The following PPP4R3A variants were observed in gnomAD, a reference collection of about 807,000 sequenced individuals.
PPP4R3A encodes serine/threonine-protein phosphatase 4 regulatory subunit 3A.
Under a neutral mutation model 91.7 loss-of-function variants are expected in PPP4R3A, and 15 were observed. The observed-to-expected ratio is 0.16, with a 90% CI of 0.11 to 0.25. The LOEUF (loss-of-function observed/expected upper bound fraction) is 0.25, where lower values mean the gene tolerates loss of function less well. Among genes scored for constraint, PPP4R3A ranks in the 10% least tolerant of loss-of-function variants. PPP4R3A has a pLI of 1.00. For synonymous variants in PPP4R3A, 377 were observed against 348.7 expected (o/e 1.08, Z -0.91); for missense variants, 623 against 998.4 (o/e 0.62, Z 5.07).
At chr14:91,506,389 G>T (rs914839373) in intron 1 of PPP4R3A, among the ~76,000 whole-genome samples, 1 of 152,204 alleles carries the variant, frequency 6.6e-6, no homozygotes, top group Non-Finnish European at 1.5e-5. Context: ...TAAGAATTAC[G>T]TAAGTCAATA....
chr14:91,477,951 G>GATTTT (rs3837630), intron 4 of PPP4R3A, among the ~76,000 whole-genome samples: 74,252 of 151,538 alleles, frequency 0.49, 18,460 homozygotes, highest in Admixed American at 0.53. Context: ...GCTCGACCAA[G>GATTTT]ATTTTAATTA....
chr14:91,465,879 T>C (rs1035379547), intron 10 of PPP4R3A, among the ~76,000 whole-genome samples: 31 of 152,190 alleles, frequency 2.0e-4, no homozygotes, highest in African/African-American at 7.2e-4. Context: ...TGCATTGTAG[T>C]TCATGGAATT....
chr14:91,502,408 A>G (rs1469438010), intron 1 of PPP4R3A, among the ~76,000 whole-genome samples: 1 of 152,202 alleles, frequency 6.6e-6, no homozygotes, highest in Admixed American at 6.5e-5. Context: ...CCTGGGTGAC[A>G]GCAAGACCTT....
intron 1 of PPP4R3A, among the ~76,000 whole-genome samples, chr14:91,492,652 C>T (rs1156852428): frequency 6.6e-6 from 1 of 152,194 alleles, no homozygotes; most frequent in Non-Finnish European, 1.5e-5. Flanking sequence ...CTTAAGGTAA[C>T]TAAACATTCA....
chr14:91,477,125 T>TTA, intron 4 of PPP4R3A, 139 bp from the exon 5 acceptor site: 2 of 632,786 alleles, frequency 3.2e-6, no homozygotes, highest in Non-Finnish European at 5.1e-6. Flanking sequence ...TTTTTTTTTT[T>TTA]AACAGAAGGA....
At position 91,458,707 on chromosome 14, in the gene PPP4R3A, G is replaced by A; in HGVS notation, c.*52C>T. On this transcript the variant is annotated 3_prime_UTR_variant, in exon 15 of 15. Coordinates refer to ENST00000554943, the MANE Select transcript of PPP4R3A (RefSeq NM_001366432.2). ...TGTTGTGGATTTTGTATGGGGGAGG[G>A]GTGGAGAACCAGTTTTTTTCAACAG... 4.3e-6 allele frequency: 7 copies of A among 1,613,390 alleles called. No homozygotes were observed. Among genetic ancestry groups the A allele is most frequent in the Non-Finnish European group, 5.9e-6 (7 of 1,179,560 alleles).
intron 7 of PPP4R3A, 193 bp downstream of exon 7, chr14:91,475,618 A>T: frequency 2.2e-6 from 1 of 460,408 alleles, no homozygotes; most frequent in Non-Finnish European, 3.8e-6. Flanking sequence ...AAGGCAATTT[A>T]AATGAACATA....
Position 91,509,530 on chromosome 14 carries a change from G to C in PPP4R3A, c.118C>G (p.Leu40Val), listed in dbSNP as rs754761855. ...CCGTCGCTCTCAGCCCTGACAAGCA[G>C]GGACATGCCCTTCAGCCGCTCCACG... ...GYVERLKGMS[L>V]LVRAESDGSL... Residue 40 changes from leucine (L) to valine (V), a missense_variant, in exon 1 of 15, where the codon CTG becomes GTG. Transcript: ENST00000554943. 1 of 1,597,312 alleles carries C rather than the reference G, an allele frequency of 6.3e-7. No homozygotes were observed. Among genetic ancestry groups the C allele is most frequent in the Non-Finnish European group, 8.5e-7 (1 of 1,176,976 alleles).
chr14:91,472,183 ACGCACG>A (rs1369924089), intron 9 of PPP4R3A, among the ~76,000 whole-genome samples: 2 of 152,006 alleles, frequency 1.3e-5, no homozygotes, highest in African/African-American at 2.4e-5. Context: ...ACACACGCAC[ACGCACG>A]CTAAAGCTCT....
In PPP4R3A at chr14:91,458,104, TAAAAC is replaced by T. The variant is rs1303362269; in HGVS notation, c.*650_*654del. ...AGGAAAAAAAAAATCAAAAACAAAA[TAAAAC>T]AAAAAAATTATGACACAAATGACCA... is the stretch of plus-strand genomic sequence containing the variant. On this transcript the variant is annotated 3_prime_UTR_variant, in exon 15 of 15. Coordinates refer to ENST00000554943, the MANE Select transcript of PPP4R3A (RefSeq NM_001366432.2). 5 of 148,670 alleles carry T rather than the reference TAAAAC, an allele frequency of 3.4e-5. No homozygotes were observed. The highest frequency in any genetic ancestry group is 7.5e-5 in the African/African-American group (3 of 39,922). The allele number at this position is 148,670 out of a possible 1,614,324, so 9.2% of individuals were successfully genotyped here.
At chr14:91,493,372 A>G (rs1325416421) in intron 1 of PPP4R3A, among the ~76,000 whole-genome samples, 1 of 150,828 alleles carries the variant, frequency 6.6e-6, no homozygotes, top group African/African-American at 2.5e-5. Flanking sequence ...GGGCATGCCT[A>G]TAATTCTAGC....
chr14:91,503,491 T>A (rs1891086489), intron 1 of PPP4R3A, among the ~76,000 whole-genome samples: 1 of 152,132 alleles, frequency 6.6e-6, no homozygotes, highest in Non-Finnish European at 1.5e-5. Context: ...GGGTCTCACT[T>A]TGTTCCCCAG....
At chr14:91,461,677 A>C in intron 13 of PPP4R3A, 70 bp from the exon 14 acceptor site, 1 of 1,428,800 alleles carries the variant, frequency 7.0e-7, no homozygotes, top group Non-Finnish European at 9.7e-7. Flanking sequence ...ATGAGGTAAC[A>C]CTAAAACACA....
intron 1 of PPP4R3A, among the ~76,000 whole-genome samples, chr14:91,507,211 C>T (rs1379747026): frequency 2.0e-5 from 3 of 151,066 alleles, no homozygotes; most frequent in Non-Finnish European, 4.4e-5. Flanking sequence ...GTCCCAGCTA[C>T]TAAGGAGGCT....
chr14:91,462,367 A>C, intron 12 of PPP4R3A, 128 bp from the exon 13 acceptor site: 1 of 972,650 alleles, frequency 1.0e-6, no homozygotes, highest in Non-Finnish European at 1.4e-6. Context: ...TATCAATGTA[A>C]ATCCAGGTAT....
At position 91,472,930 on chromosome 14, in the gene PPP4R3A, C is replaced by T; in HGVS notation, c.1501+103G>A. On this transcript the variant is annotated intron_variant, in intron 9 of 14. Transcript: ENST00000554943. ...TTTTTAAAAGGTGTGTCCTCCCAGC[C>T]TCTACCTCCCACTAACTGCCTCCTA... 4 of 984,614 alleles carry T rather than the reference C, an allele frequency of 4.1e-6. No homozygotes were observed. In the Admixed American group the frequency reaches 6.4e-5, roughly 16 times the overall value. 61.0% of individuals were successfully genotyped at this position (984,614 alleles called of 1,614,324 possible). A position where few individuals can be genotyped will look rare whatever the true frequency, so the allele number is the denominator to read the frequency against.
At chr14:91,466,503 C>G in intron 10 of PPP4R3A, 1 of 900,398 alleles carries the variant, frequency 1.1e-6, no homozygotes, top group Non-Finnish European at 1.3e-6. Flanking sequence ...CAATTAGGTA[C>G]AGTTGATTAT....
intron 3 of PPP4R3A, among the ~76,000 whole-genome samples, chr14:91,485,403 G>GA (rs1285212115): frequency 6.6e-6 from 1 of 152,178 alleles, no homozygotes; most frequent in Non-Finnish European, 1.5e-5. Flanking sequence ...CATGAAAAGA[G>GA]AAAGTTTCAA....
At chr14:91,466,239 C>T (rs1888463968) in intron 10 of PPP4R3A, 6 of 985,768 alleles carry the variant, frequency 6.1e-6, no homozygotes, top group Non-Finnish European at 7.2e-6. Context: ...TTATTGTAAA[C>T]AGTGCAAAAA....
Sources: gnomAD v4.1 joint callset for allele counts (sites outside exome capture counted in the v4.1 genomes callset) on GRCh38, gnomAD v4.1.1 for gene constraint, MANE v1.5 for transcripts, NCBI Gene and HGNC (gene_info 2026-07-23, HGNC 2026-07-21) for gene names.